Variants in KALRN observed in about 807,000 individuals in gnomAD.
The protein encoded by KALRN is kalirin.
A neutral mutation model predicts 353.7 loss-of-function variants in KALRN; 70 were observed. That is an observed-to-expected ratio of 0.20 (90% CI 0.16 to 0.24). The LOEUF (loss-of-function observed/expected upper bound fraction) is 0.24. Among genes scored for constraint, KALRN ranks in the 10% least tolerant of loss-of-function variants. The pLI is 1.00. For missense variants in KALRN, 2,791 were observed against 3,756.7 expected (o/e 0.74, Z 6.72); for synonymous variants, 1,391 against 1,434.8 (o/e 0.97, Z 0.69).
chr3:124,200,592 TG>T (rs2150389163), intron 1 of KALRN, among the ~76,000 whole-genome samples: 1 of 152,312 alleles, frequency 6.6e-6, no homozygotes. Flanking sequence ...CATATAAATT[TG>T]GGGCAGGGGG....
intron 16 of KALRN, among the ~76,000 whole-genome samples, chr3:124,433,579 T>C (rs2093357240): frequency 8.3e-6 from 1 of 120,302 alleles, no homozygotes. Context: ...GCCTCGGTGA[T>C]AGATCAAGAC....
rs776157830 is a variant in KALRN, at chr3:124,264,633, C to T, written c.399C>T (p.Pro133=). ...AEIHVALIIK[P]DNFWQKQKTN... is the part of the protein sequence containing the mutation. Reference sequence around the variant, plus strand: ...TCCATGTGGCCCTCATCATTAAACCCGACAACTTCTGGCAGAAACAGAAGA... The same window carrying T: ...TCCATGTGGCCCTCATCATTAAACCTGACAACTTCTGGCAGAAACAGAAGA... The change falls in exon 4 of 60, where the codon CCC becomes CCT. Residue 133 remains proline (P), a synonymous_variant. Coordinates refer to ENST00000682506, the MANE Select transcript of KALRN (RefSeq NM_001388419.1). The T allele has an allele frequency of 1.8e-5, 29 of 1,614,026 alleles. No homozygotes were observed. The highest frequency in any genetic ancestry group is 4.0e-5 in the African/African-American group (3 of 74,908).
At chr3:124,473,919 G>C (rs2061189161) in intron 25 of KALRN, among the ~76,000 whole-genome samples, 1 of 152,078 alleles carries the variant, frequency 6.6e-6, no homozygotes. Context: ...GTTTTTTACA[G>C]CAAATACCAT....
At chr3:124,292,097 G>A (rs957769368) in intron 5 of KALRN, among the ~76,000 whole-genome samples, 1 of 152,162 alleles carries the variant, frequency 6.6e-6, no homozygotes, top group African/African-American at 2.4e-5. Flanking sequence ...CCTTTATGAG[G>A]TCTGTGTGTT....
chr3:124,526,253 G>T (rs1252765804), intron 33 of KALRN, among the ~76,000 whole-genome samples: 1 of 152,114 alleles, frequency 6.6e-6, no homozygotes, highest in Non-Finnish European at 1.5e-5. Context: ...TGGATAACTT[G>T]TTTTTTCTCG....
intron 10 of KALRN, among the ~76,000 whole-genome samples, chr3:124,365,878 C>T (rs2084623266): frequency 6.6e-6 from 1 of 152,168 alleles, no homozygotes; most frequent in South Asian, 2.1e-4. Flanking sequence ...CAGACATAGG[C>T]TCTAGGGGTG....
chr3:124,368,390 C>CGGCCG (rs1449462665), intron 10 of KALRN, among the ~76,000 whole-genome samples: 4 of 141,352 alleles, frequency 2.8e-5, no homozygotes, highest in African/African-American at 1.1e-4. Flanking sequence ...GACGGGGTCG[C>CGGCCG]GGCCGGGCAG....
chr3:124,681,119 T>C (rs2087720625), intron 51 of KALRN, among the ~76,000 whole-genome samples: 1 of 152,140 alleles, frequency 6.6e-6, no homozygotes, highest in South Asian at 2.1e-4. Flanking sequence ...CTTGTCCAGT[T>C]CTTGTGGACT....
intron 1 of KALRN, among the ~76,000 whole-genome samples, chr3:124,044,678 G>T (rs1472137121): frequency 2.0e-5 from 3 of 150,736 alleles, no homozygotes; most frequent in African/African-American, 4.9e-5. Context: ...TATTCATATT[G>T]TGAATAGTAA....
At chr3:124,388,452 T>G (rs2088785753) in intron 11 of KALRN, among the ~76,000 whole-genome samples, 1 of 152,172 alleles carries the variant, frequency 6.6e-6, no homozygotes, top group Admixed American at 6.5e-5. Flanking sequence ...TTGGGAGTGC[T>G]AATATGTGTA....
intron 16 of KALRN, among the ~76,000 whole-genome samples, chr3:124,433,294 A>G (rs1299467369): frequency 6.6e-6 from 1 of 152,020 alleles, no homozygotes; most frequent in African/African-American, 2.4e-5. Context: ...AAGGATTAAA[A>G]AAAAAAGAAC....
chr3:124,632,782 C>A, intron 35 of KALRN, 79 bp downstream of exon 35: 3 of 1,345,428 alleles, frequency 2.2e-6, no homozygotes, highest in South Asian at 1.3e-5. Context: ...GTCAACTAGG[C>A]CATCTCAAAT....
chr3:124,563,387 C>T (rs2072309384), intron 34 of KALRN, among the ~76,000 whole-genome samples: 1 of 152,220 alleles, frequency 6.6e-6, no homozygotes, highest in African/African-American at 2.4e-5. Flanking sequence ...TCATATCACA[C>T]TACATTCGGG....
Position 124,322,457 on chromosome 3 carries a change from G to A in KALRN, c.1093-3523G>A, listed in dbSNP as rs116193671. Among the ~76,000 whole-genome samples, 509 of 152,304 alleles carry A rather than the reference G, an allele frequency of 3.3e-3. 3 individuals carry two copies. The highest frequency in any genetic ancestry group is 0.011 in the African/African-American group (443 of 41,582). ...TGACTAATGGGCAGCTCTGCAGATG[G>A]AAAGGCATTGAAGGCTGGCAGGGAA... On this transcript the variant is annotated intron_variant, in intron 6 of 59. Transcript: ENST00000682506.
intron 14 of KALRN, among the ~76,000 whole-genome samples, chr3:124,418,711 T>C (rs751507170): frequency 6.6e-6 from 1 of 152,184 alleles, no homozygotes; most frequent in African/African-American, 2.4e-5. Context: ...CTAACGCTTA[T>C]TATTGTTAGC....
intron 28 of KALRN, among the ~76,000 whole-genome samples, chr3:124,487,404 C>A (rs2062684035): frequency 6.6e-6 from 1 of 152,146 alleles, no homozygotes; most frequent in Admixed American, 6.5e-5. Flanking sequence ...GAGGGTATTG[C>A]CCCTGGAAGC....
intron 33 of KALRN, among the ~76,000 whole-genome samples, chr3:124,538,893 C>T (rs753306896): frequency 2.0e-5 from 3 of 152,160 alleles, no homozygotes; most frequent in Non-Finnish European, 4.4e-5. Flanking sequence ...GAAATAGGTC[C>T]GGAGAGAGTC....
At chr3:124,433,106 G>A (rs1469971660) in intron 16 of KALRN, among the ~76,000 whole-genome samples, 1 of 152,072 alleles carries the variant, frequency 6.6e-6, no homozygotes, top group East Asian at 1.9e-4. Flanking sequence ...AAAGCAGTTG[G>A]GTTTGGCTTA....
chr3:124,540,962 TG>T (rs1361248323), intron 33 of KALRN, among the ~76,000 whole-genome samples: 2 of 152,184 alleles, frequency 1.3e-5, no homozygotes, highest in Non-Finnish European at 2.9e-5. Context: ...TTAGCACAGT[TG>T]GAAACAGTTT....
Sources: gnomAD v4.1 joint callset for allele counts (sites outside exome capture counted in the v4.1 genomes callset) on GRCh38, gnomAD v4.1.1 for gene constraint, MANE v1.5 for transcripts, NCBI Gene and HGNC (gene_info 2026-07-23, HGNC 2026-07-21) for gene names.